KIR2DL3: variants seen among roughly 807,000 people sequenced by gnomAD.
KIR2DL3 encodes killer cell immunoglobulin-like receptor 2DL3.
Under a neutral mutation model 33.8 loss-of-function variants are expected in KIR2DL3, and 39 were observed. The ratio of observed to expected loss-of-function variants is 1.15; its 90% CI spans 0.89 to 1.51. The LOEUF is 1.51. KIR2DL3 is among the 40% of genes most tolerant of loss of function. KIR2DL3 has a pLI of 0.00. For synonymous variants in KIR2DL3, 174 were observed against 160.2 expected (o/e 1.09, Z -0.65); for missense variants, 462 against 426.2 (o/e 1.08, Z -0.74).
At chr19:54,745,591 T>C (rs1220530813) in intron 4 of KIR2DL3, among the ~76,000 whole-genome samples, 1 of 150,922 alleles carries the variant, frequency 6.6e-6, no homozygotes, top group African/African-American at 2.4e-5. Context: ...CTCAAACTCA[T>C]GACCTCAACT....
rs140244810 is a variant in KIR2DL3, at chr19:54,752,889, C to G, written c.*370C>G. ...CACAATTCCAAACATACAAGAGGCTCCCTCTTAACACGGCACTTAGACACG... is the reference window on the plus strand; with the variant it reads ...CACAATTCCAAACATACAAGAGGCTGCCTCTTAACACGGCACTTAGACACG... On this transcript the variant is annotated 3_prime_UTR_variant, in exon 8 of 8. Transcript: ENST00000342376. The G allele has an allele frequency of 0.021, 8,242 of 399,886 alleles. 620 individuals are homozygous for G. Among genetic ancestry groups the G allele is most frequent in the Non-Finnish European group, 0.031 (6,691 of 214,334 alleles). 24.8% of individuals were successfully genotyped at this position (399,886 alleles called of 1,614,324 possible).
At chr19:54,739,132 A>T (rs2070455085) in intron 1 of KIR2DL3, among the ~76,000 whole-genome samples, 1 of 142,366 alleles carries the variant, frequency 7.0e-6, no homozygotes, top group South Asian at 2.3e-4. Flanking sequence ...GTGTGGAGAT[A>T]TGGGACTGGA....
Position 54,751,067 on chromosome 19 carries a change from G to A in KIR2DL3, c.716-582G>A, listed in dbSNP as rs1171217025. On this transcript the variant is annotated intron_variant, in intron 5 of 7. Transcript: ENST00000342376. ...CACTTGAGCCTGGGTAACTTCTAGA[G>A]AAAAGAGATTGGTTTGCCTCACAGT... 1.5e-5 allele frequency among the ~76,000 whole-genome samples: 2 copies of A among 129,158 alleles called. 1 individual carries two copies. Among genetic ancestry groups the A allele is most frequent in the Non-Finnish European group, 3.4e-5 (2 of 58,938 alleles). 84.7% of individuals were successfully genotyped at this position (129,158 alleles called of 152,430 possible).
rs1233233210 is a variant in KIR2DL3 at position 54,747,000 on chromosome 19, A to AC, written c.665-334dup. On this transcript the variant is annotated intron_variant, in intron 4 of 7. Coordinates refer to ENST00000342376, the MANE Select transcript of KIR2DL3 (RefSeq NM_015868.3). ...CCATCTCAAAAGAAAAAAGAAAAAA[A>AC]CATTGGAGGTAAATGCATGGATTAT... Among the ~76,000 whole-genome samples the AC allele has an allele frequency of 7.7e-4, 101 of 130,696 alleles. 2 individuals carry two copies. The highest frequency in any genetic ancestry group is 2.8e-3 in the African/African-American group (99 of 35,342). 85.7% of individuals were successfully genotyped at this position (130,696 alleles called of 152,430 possible).
chr19:54,751,483 T>C (rs2073410616), intron 5 of KIR2DL3, among the ~76,000 whole-genome samples, 166 bp from the exon 6 acceptor site: 1 of 132,680 alleles, frequency 7.5e-6, no homozygotes. Flanking sequence ...ATGGTTACTA[T>C]GAGAGCTATA....
At position 54,747,343 on chromosome 19, in the gene KIR2DL3, T is replaced by C; in HGVS notation, c.673T>C (p.Ser225Pro). The C allele has an allele frequency of 6.2e-7, 1 of 1,611,630 alleles. No homozygotes were observed. Among genetic ancestry groups the C allele is most frequent in the South Asian group, 1.1e-5 (1 of 91,000 alleles). The change falls in exon 5 of 8, where the codon TCA becomes CCA. Residue 225 changes from serine (S) to proline (P), a missense_variant. By Grantham distance (74) the Ser-to-Pro change is moderately conservative. Coordinates refer to ENST00000342376, the MANE Select transcript of KIR2DL3 (RefSeq NM_015868.3). ...CCTGTCTCGTGTTCTAGGAAACCCT[T>C]CAAATAGTTGGCCTTCACCCACTGA... ...PLLVSVTGNP[S>P]NSWPSPTEPS... is the part of the protein sequence containing the mutation.
chr19:54,745,371 GT>G (rs1335560990), intron 4 of KIR2DL3, among the ~76,000 whole-genome samples: 1 of 149,696 alleles, frequency 6.7e-6, no homozygotes, highest in African/African-American at 2.5e-5. Context: ...TTGTTGTTTT[GT>G]TTTTGTTTTT....
chr19:54,747,471 GC>G, intron 5 of KIR2DL3, 86 bp downstream of exon 5: 1 of 1,495,844 alleles, frequency 6.7e-7, no homozygotes, highest in Admixed American at 1.7e-5. Context: ...GCATCTCGCA[GC>G]TCTGACATTG....
intron 3 of KIR2DL3, among the ~76,000 whole-genome samples, chr19:54,742,999 G>A (rs1429660138): frequency 6.6e-6 from 1 of 151,920 alleles, no homozygotes; most frequent in Non-Finnish European, 1.5e-5. Context: ...GCAGAGGAGT[G>A]GTGAGAATGA....
Position 54,743,927 on chromosome 19 carries a change from A to T in KIR2DL3, c.503A>T (p.Glu168Val). The T allele has an allele frequency of 6.2e-7, 1 of 1,614,154 alleles. No individual in the cohort carries two copies. Among genetic ancestry groups the T allele is most frequent in the Non-Finnish European group, 8.5e-7 (1 of 1,180,026 alleles). ...YHLSREGEAH[E>V]RRFSAGPKVN... is the part of the protein sequence containing the mutation. ...CTATCCAGGGAGGGGGAGGCCCATGAACGTAGGTTCTCTGCAGGGCCCAAG... is the reference window on the plus strand; with the variant it reads ...CTATCCAGGGAGGGGGAGGCCCATGTACGTAGGTTCTCTGCAGGGCCCAAG... The change falls in exon 4 of 8, where the codon GAA (glutamate) becomes GTA (valine). Residue 168 changes from glutamate to valine, a missense_variant. Glu to Val is a moderately radical substitution (Grantham distance 121, BLOSUM62 -2). Transcript: ENST00000342376.
At chr19:54,742,649 G>A (rs1288347232) in intron 3 of KIR2DL3, among the ~76,000 whole-genome samples, 2 of 151,204 alleles carry the variant, frequency 1.3e-5, no homozygotes, top group Non-Finnish European at 2.9e-5. Context: ...GAGAACCCAA[G>A]GACACCCATA....
At position 54,752,419 on chromosome 19, in the gene KIR2DL3, G is replaced by A. The variant is rs1201492930; in HGVS notation, c.926G>A (p.Cys309Tyr). ...GTGACATATGCACAGTTGAATCACT[G>A]CGTTTTCACACAGAGAAAAATCACT... ...QEVTYAQLNH[C>Y]VFTQRKITRP... Residue 309 changes from cysteine (C) to tyrosine (Y), a missense_variant, in exon 8 of 8, where the codon TGC becomes TAC. Physicochemically the swap from Cys to Tyr is radical, Grantham distance 194. Transcript: ENST00000342376. The A allele has an allele frequency of 1.0e-5, 15 of 1,467,702 alleles. 4 individuals are homozygous for A. Among genetic ancestry groups the A allele is most frequent in the Non-Finnish European group, 1.4e-5 (15 of 1,079,040 alleles). The allele number at this position is 1,467,702 out of a possible 1,614,324, so 90.9% of individuals were successfully genotyped here.
At chr19:54,745,820 A>T (rs2072392494) in intron 4 of KIR2DL3, among the ~76,000 whole-genome samples, 1 of 144,534 alleles carries the variant, frequency 6.9e-6, no homozygotes, top group Admixed American at 7.2e-5. Flanking sequence ...ATTTTATTTC[A>T]TTTTATTTTG....
chr19:54,743,071 A>T (rs1487903087), intron 3 of KIR2DL3, among the ~76,000 whole-genome samples: 5 of 151,918 alleles, frequency 3.3e-5, no homozygotes, highest in Admixed American at 1.3e-4. Context: ...AAGGACATAG[A>T]AACATGGAGA....
intron 2 of KIR2DL3, among the ~76,000 whole-genome samples, 157 bp downstream of exon 2, chr19:54,739,699 A>C (rs1456276505): frequency 2.7e-5 from 4 of 150,318 alleles, no homozygotes; most frequent in African/African-American, 7.5e-5. Context: ...CTGGCCTCTC[A>C]ACCCCTTGGC....
intron 4 of KIR2DL3, among the ~76,000 whole-genome samples, chr19:54,746,914 T>A (rs10411723): frequency 0.016 from 2,321 of 147,636 alleles, 46 homozygotes; most frequent in African/African-American, 0.053. Context: ...CCCAGGAGGC[T>A]GTGGTGGCAG....
rs1197333567 is a variant in KIR2DL3 at position 54,742,194 on chromosome 19, A to G, written c.285A>G (p.Ala95=). 1.9e-6 allele frequency: 3 copies of G among 1,614,188 alleles called. No homozygotes were observed. Among genetic ancestry groups the G allele is most frequent in the Admixed American group, 1.7e-5 (1 of 60,028 alleles). The change falls in exon 3 of 8, where the codon GCA becomes GCG. Residue 95 remains alanine (A), a synonymous_variant. Transcript: ENST00000342376. ...FSIGPMMQDL[A]GTYRCYGSVT... is the part of the protein sequence containing the mutation. Reference sequence around the variant, plus strand: ...TCGGTCCCATGATGCAAGACCTTGCAGGGACCTACAGATGCTACGGTTCTG... The same window carrying G: ...TCGGTCCCATGATGCAAGACCTTGCGGGGACCTACAGATGCTACGGTTCTG...
chr19:54,746,126 A>G lies in KIR2DL3; in HGVS notation c.665-1209A>G, dbSNP rs1207952095. ...CCACGCCCGGCCTAAAATCCATTTTAATGGGGTGAGATGAAAACTCACTTT... is the reference window on the plus strand; with the variant it reads ...CCACGCCCGGCCTAAAATCCATTTTGATGGGGTGAGATGAAAACTCACTTT... On this transcript the variant is annotated intron_variant, in intron 4 of 7. Transcript: ENST00000342376. 1.5e-5 allele frequency among the ~76,000 whole-genome samples: 2 copies of G among 134,816 alleles called. 1 individual carries two copies. The highest frequency in any genetic ancestry group is 5.5e-5 in the African/African-American group (2 of 36,198). 88.4% of individuals were successfully genotyped at this position (134,816 alleles called of 152,430 possible).
At chr19:54,743,005 A>C (rs2071472783) in intron 3 of KIR2DL3, among the ~76,000 whole-genome samples, 1 of 151,936 alleles carries the variant, frequency 6.6e-6, no homozygotes, top group Non-Finnish European at 1.5e-5. Context: ...GAGTGGTGAG[A>C]ATGATGGCAG....
Sources: allele counts gnomAD v4.1 joint callset (sites outside exome capture counted in the v4.1 genomes callset), GRCh38; gene constraint gnomAD v4.1.1; transcripts MANE v1.5; gene names NCBI Gene and HGNC (gene_info 2026-07-23, HGNC 2026-07-21).